The following MCMBP variants were observed in gnomAD, a reference collection of about 807,000 sequenced individuals.
The protein encoded by MCMBP is mini-chromosome maintenance complex-binding protein.
MCMBP carries 31 observed loss-of-function variants against 81.3 expected under a neutral mutation model. The ratio of observed to expected loss-of-function variants is 0.38; its 90% CI spans 0.29 to 0.51. MCMBP has a LOEUF of 0.51. MCMBP is among the 20% of genes least tolerant of loss of function. MCMBP has a pLI of 0.87. For missense variants in MCMBP, 645 were observed against 772.1 expected, an observed-to-expected ratio of 0.84 and a Z score of 1.95; for synonymous variants, 267 against 275.9, an observed-to-expected ratio of 0.97 and a Z score of 0.32.
intron 11 of MCMBP, 122 bp from the exon 12 acceptor site, chr10:119,838,822 T>A (rs1852338804): frequency 1.2e-6 from 1 of 828,346 alleles, no homozygotes; most frequent in Non-Finnish European, 1.8e-6. Context: ...TCTAAGGGAG[T>A]AGTGATATGG....
intron 1 of MCMBP, among the ~76,000 whole-genome samples, chr10:119,863,465 C>G (rs983429277): frequency 6.6e-6 from 1 of 152,238 alleles, no homozygotes; most frequent in Admixed American, 6.5e-5. Context: ...GGCGGGGTGG[C>G]TCACGCCTGT....
intron 7 of MCMBP, among the ~76,000 whole-genome samples, chr10:119,848,122 G>A (rs890038010): frequency 2.0e-5 from 3 of 150,660 alleles, no homozygotes; most frequent in Non-Finnish European, 4.4e-5. Context: ...CTGCAACATC[G>A]GATTAACACA....
In MCMBP at chr10:119,840,851, C is replaced by T. The variant is rs1156581202; in HGVS notation, c.1234G>A (p.Val412Ile). The change falls in exon 11 of 16, where the codon GTT (valine) becomes ATT (isoleucine). Residue 412 changes from valine (V) to isoleucine (I), a missense_variant. Transcript: ENST00000369077. The part of the protein sequence containing the change: ...EHLYRIIQHL[V>I]PASFRLQMTI... ...ATTTATATTCATCTTACTGCTGGAA[C>T]AAGATGTTGAATAATTCGATACAAG... is the stretch of plus-strand genomic sequence containing the variant. The T allele has an allele frequency of 2.5e-6, 4 of 1,581,194 alleles. No homozygotes were observed. The highest frequency in any genetic ancestry group is 2.6e-6 in the Non-Finnish European group (3 of 1,161,578).
intron 5 of MCMBP, among the ~76,000 whole-genome samples, chr10:119,855,903 T>C (rs531035933): frequency 4.6e-5 from 7 of 152,074 alleles, no homozygotes; most frequent in African/African-American, 1.7e-4. Context: ...AAACAGTCCT[T>C]GAAAGATACA....
intron 1 of MCMBP, among the ~76,000 whole-genome samples, chr10:119,867,400 AGTT>A (rs1853508886): frequency 6.6e-6 from 1 of 151,438 alleles, no homozygotes; most frequent in Admixed American, 6.6e-5. Flanking sequence ...ACCATGTGTA[AGTT>A]ATTATAACTT....
At chr10:119,858,459 A>G (rs1173567676) in intron 4 of MCMBP, among the ~76,000 whole-genome samples, 4 of 152,160 alleles carry the variant, frequency 2.6e-5, no homozygotes, top group Non-Finnish European at 4.4e-5. Context: ...AGGGAATAAT[A>G]TATGACTTTT....
chr10:119,872,595 G>A lies in MCMBP; in HGVS notation c.-11C>T. 2.6e-6 allele frequency: 3 copies of A among 1,170,672 alleles called. No homozygotes were observed. The highest frequency in any genetic ancestry group is 4.2e-5 in the South Asian group (1 of 23,906). The allele number at this position is 1,170,672 out of a possible 1,614,324, so 72.5% of individuals were successfully genotyped here. A position where few individuals can be genotyped will look rare whatever the true frequency, so the allele number is the denominator to read the frequency against. On this transcript the variant is annotated 5_prime_UTR_variant, in exon 1 of 16. Transcript: ENST00000369077. ...CTCCCCACACGGCATCTCGCCAGGG[G>A]CCGGGGCCGGCGAAGACCGGGCGGA...
chr10:119,851,825 A>G (rs1211152904), intron 6 of MCMBP, among the ~76,000 whole-genome samples: 2 of 152,192 alleles, frequency 1.3e-5, no homozygotes, highest in African/African-American at 4.8e-5. Flanking sequence ...GGTAAATAAA[A>G]TTCATTAGTA....
Position 119,830,401 on chromosome 10 carries a change from C to G in MCMBP, c.*1073G>C, listed in dbSNP as rs12777827. The G allele has an allele frequency of 1.3e-5, 2 of 152,112 alleles. No homozygotes were observed. Among genetic ancestry groups the G allele is most frequent in the Admixed American group, 1.3e-4 (2 of 15,278 alleles). The allele number at this position is 152,112 out of a possible 1,614,324, so 9.4% of individuals were successfully genotyped here. A position where few individuals can be genotyped will look rare whatever the true frequency, so the allele number is the denominator to read the frequency against. Reference sequence around the variant, plus strand: ...TGGAGAAAACCTACCTGCAGTTGTACGAGGCTGTTACTGGAGTAGCAGATG... The same window carrying G: ...TGGAGAAAACCTACCTGCAGTTGTAGGAGGCTGTTACTGGAGTAGCAGATG... On this transcript the variant is annotated 3_prime_UTR_variant, in exon 16 of 16. Transcript: ENST00000369077.
At chr10:119,869,036 G>C (rs867288274) in intron 1 of MCMBP, among the ~76,000 whole-genome samples, 1 of 152,222 alleles carries the variant, frequency 6.6e-6, no homozygotes, top group Non-Finnish European at 1.5e-5. Flanking sequence ...GAAGGACTTG[G>C]TTCCAGTATG....
In MCMBP at chr10:119,872,826, G is replaced by C. The variant is rs1227528977; in HGVS notation, c.-242C>G. The C allele has an allele frequency of 6.0e-6, 1 of 165,396 alleles. No individual in the cohort carries two copies. Among genetic ancestry groups the C allele is most frequent in the Non-Finnish European group, 1.3e-5 (1 of 77,274 alleles). The allele number at this position is 165,396 out of a possible 1,614,324, so 10.2% of individuals were successfully genotyped here. A position where few individuals can be genotyped will look rare whatever the true frequency, so the allele number is the denominator to read the frequency against. On this transcript the variant is annotated 5_prime_UTR_variant, in exon 1 of 16. Coordinates refer to ENST00000369077, the MANE Select transcript of MCMBP (RefSeq NM_001256378.2). The stretch of plus-strand genomic sequence containing the variant: ...TCAGGCGGGCGCGTACGGGCCCCTA[G>C]CCTTCACTTCGCACAATGGCGGGAA...
chr10:119,849,335 C>A, intron 7 of MCMBP, 90 bp downstream of exon 7: 1 of 1,371,482 alleles, frequency 7.3e-7, no homozygotes, highest in Non-Finnish European at 1.0e-6. Context: ...GCTAGCCCAG[C>A]ACAAGGGAAC....
In MCMBP at chr10:119,832,101, C is replaced by CT; in HGVS notation, c.1708-2dup. 6.2e-7 allele frequency: 1 copy of CT among 1,611,140 alleles called. No homozygotes were observed. The highest frequency in any genetic ancestry group is 8.5e-7 in the Non-Finnish European group (1 of 1,179,094). On this transcript the variant is annotated splice_acceptor_variant, in intron 14 of 15. Transcript: ENST00000369077. LOFTEE classifies it high-confidence loss of function. ...TTTCCACAAAGTCATCTTCAACTGCCTTTATCAAAAGAGTAAATGTAAATG... is the reference window on the plus strand; with the variant it reads ...TTTCCACAAAGTCATCTTCAACTGCCTTTTATCAAAAGAGTAAATGTAAATG...
At chr10:119,841,782 G>C (rs1452513580) in intron 10 of MCMBP, among the ~76,000 whole-genome samples, 1 of 152,258 alleles carries the variant, frequency 6.6e-6, no homozygotes, top group Non-Finnish European at 1.5e-5. Flanking sequence ...GTGGAGTCAA[G>C]GGATGCGGTG....
At chr10:119,855,856 T>C (rs1564882486) in intron 5 of MCMBP, among the ~76,000 whole-genome samples, 1 of 152,242 alleles carries the variant, frequency 6.6e-6, no homozygotes, top group African/African-American at 2.4e-5. Flanking sequence ...ACAAGTTTTA[T>C]GTCAATAAAT....
In MCMBP at chr10:119,831,372, G is replaced by GTGAT. The variant is rs1852028718; in HGVS notation, c.*98_*101dup. The stretch of plus-strand genomic sequence containing the variant: ...TGATTTCAGGAAATGTCACTGGTTT[G>GTGAT]TGATAGAAATTACCTATAAAACAAT... On this transcript the variant is annotated 3_prime_UTR_variant, in exon 16 of 16. Coordinates refer to ENST00000369077, the MANE Select transcript of MCMBP (RefSeq NM_001256378.2). The GTGAT allele has an allele frequency of 2.1e-6, 3 of 1,400,944 alleles. No individual in the cohort carries two copies. In the Admixed American group the frequency reaches 5.9e-5, roughly 27 times the overall value. The allele number at this position is 1,400,944 out of a possible 1,614,324, so 86.8% of individuals were successfully genotyped here.
chr10:119,861,772 G>A (rs1422709985), intron 1 of MCMBP, among the ~76,000 whole-genome samples: 1 of 152,094 alleles, frequency 6.6e-6, no homozygotes, highest in Non-Finnish European at 1.5e-5. Flanking sequence ...GTGTTGTGTT[G>A]CTTTGTCACC....
intron 13 of MCMBP, among the ~76,000 whole-genome samples, chr10:119,836,284 C>G (rs918518785): frequency 6.6e-6 from 1 of 152,212 alleles, no homozygotes; most frequent in African/African-American, 2.4e-5. Context: ...TTAAAAAGGT[C>G]TATCAATACT....
chr10:119,850,602 A>G (rs1345959535), intron 6 of MCMBP, among the ~76,000 whole-genome samples: 1 of 151,702 alleles, frequency 6.6e-6, no homozygotes, highest in Non-Finnish European at 1.5e-5. Flanking sequence ...ACAAAAAATT[A>G]GCCAGGCGTG....
Sources: allele counts gnomAD v4.1 joint callset (sites outside exome capture counted in the v4.1 genomes callset), GRCh38; gene constraint gnomAD v4.1.1; transcripts MANE v1.5; gene names NCBI Gene and HGNC (gene_info 2026-07-23, HGNC 2026-07-21).